Variants in HIBADH observed in about 807,000 individuals in gnomAD.
HIBADH encodes the protein 3-hydroxyisobutyrate dehydrogenase, also known as 3-hydroxyisobutyrate dehydrogenase, mitochondrial.
HIBADH carries 25 observed loss-of-function variants against 36.1 expected under a neutral mutation model. The ratio of observed to expected loss-of-function variants is 0.69; its 90% CI spans 0.50 to 0.97. The LOEUF is 0.97. Ranked by LOEUF, HIBADH falls within the 50% of genes least tolerant of loss-of-function variation. The pLI is 0.00. For synonymous variants in HIBADH, 160 were observed against 149.5 expected (o/e 1.07, Z -0.51); for missense variants, 421 against 418.0 (o/e 1.01, Z -0.06).
chr7:27,636,749 A>C (rs1785847723), intron 2 of HIBADH, among the ~76,000 whole-genome samples: 1 of 152,254 alleles, frequency 6.6e-6, no homozygotes, highest in Non-Finnish European at 1.5e-5. Flanking sequence ...TAGACAATGA[A>C]AATGAAGCAC....
At chr7:27,628,648 G>A (rs1362484611) in intron 4 of HIBADH, among the ~76,000 whole-genome samples, 1 of 151,960 alleles carries the variant, frequency 6.6e-6, no homozygotes, top group African/African-American at 2.4e-5. Context: ...ATGTTAACAT[G>A]GTAAATTATA....
At chr7:27,647,178 C>T (rs999614029) in intron 2 of HIBADH, among the ~76,000 whole-genome samples, 1 of 152,130 alleles carries the variant, frequency 6.6e-6, no homozygotes, top group Non-Finnish European at 1.5e-5. Context: ...GATATCACAA[C>T]ACCCGATCAC....
chr7:27,531,486 G>C, intron 6 of HIBADH, 138 bp from the exon 7 acceptor site: 1 of 687,144 alleles, frequency 1.5e-6, no homozygotes, highest in Admixed American at 3.4e-5. Flanking sequence ...TGATACGAGA[G>C]TGAAGAATCC....
At chr7:27,565,712 T>C (rs1226164027) in intron 4 of HIBADH, among the ~76,000 whole-genome samples, 1 of 152,202 alleles carries the variant, frequency 6.6e-6, no homozygotes. Flanking sequence ...TATCCTGTGT[T>C]GTCTGATCTC....
At chr7:27,612,860 C>T (rs963527538) in intron 4 of HIBADH, among the ~76,000 whole-genome samples, 2 of 147,066 alleles carry the variant, frequency 1.4e-5, no homozygotes, top group East Asian at 4.0e-4. Flanking sequence ...AAGCAGAAGA[C>T]TGCTTGAACC....
intron 1 of HIBADH, among the ~76,000 whole-genome samples, chr7:27,651,398 T>G (rs1786192884): frequency 6.6e-6 from 1 of 151,904 alleles, no homozygotes; most frequent in African/African-American, 2.4e-5. Context: ...ATAGTTTGTC[T>G]TTCTGGCCTG....
At chr7:27,612,185 A>ATGAGATTAAAGTG (rs1785332261) in intron 4 of HIBADH, among the ~76,000 whole-genome samples, 1 of 152,226 alleles carries the variant, frequency 6.6e-6, no homozygotes, top group South Asian at 2.1e-4. Flanking sequence ...AATACAGAAG[A>ATGAGATTAAAGTG]TGAGATTAAA....
At chr7:27,564,256 C>T (rs1015009606) in intron 4 of HIBADH, among the ~76,000 whole-genome samples, 14 of 152,094 alleles carry the variant, frequency 9.2e-5, no homozygotes, top group African/African-American at 3.1e-4. Context: ...CTTTGGGTGC[C>T]ATATCACAGA....
At chr7:27,585,838 A>G (rs1407489943) in intron 4 of HIBADH, among the ~76,000 whole-genome samples, 1 of 152,150 alleles carries the variant, frequency 6.6e-6, no homozygotes, top group Admixed American at 6.5e-5. Flanking sequence ...TTCTAGGTAC[A>G]TGATTTTTTT....
intron 4 of HIBADH, among the ~76,000 whole-genome samples, chr7:27,569,195 GTTC>G (rs1784591842): frequency 6.6e-6 from 1 of 151,868 alleles, no homozygotes; most frequent in Admixed American, 6.6e-5. Flanking sequence ...TTTCCATTTG[GTTC>G]TTTTTTATAG....
chr7:27,661,684 A>C (rs1786422615), intron 1 of HIBADH, among the ~76,000 whole-genome samples: 1 of 151,738 alleles, frequency 6.6e-6, no homozygotes, highest in South Asian at 2.1e-4. Context: ...AATTAATGCC[A>C]AGGTTTTTTT....
chr7:27,608,978 TC>T (rs1213070384), intron 4 of HIBADH, among the ~76,000 whole-genome samples: 1 of 152,214 alleles, frequency 6.6e-6, no homozygotes, highest in Non-Finnish European at 1.5e-5. Context: ...ACAGCTGGTG[TC>T]ATGGTTACTT....
chr7:27,601,596 T>C (rs943280781), intron 4 of HIBADH, among the ~76,000 whole-genome samples: 6 of 152,222 alleles, frequency 3.9e-5, no homozygotes, highest in Middle Eastern at 3.4e-3. Flanking sequence ...CTGGGTAATG[T>C]TGGAAAATAA....
At chr7:27,640,061 T>G (rs1159213312) in intron 2 of HIBADH, among the ~76,000 whole-genome samples, 2 of 152,194 alleles carry the variant, frequency 1.3e-5, no homozygotes, top group African/African-American at 4.8e-5. Context: ...ACCGCCACCC[T>G]CCGTGCCCAG....
At chr7:27,615,221 G>GACA (rs1785405659) in intron 4 of HIBADH, among the ~76,000 whole-genome samples, 1 of 152,108 alleles carries the variant, frequency 6.6e-6, no homozygotes, top group Non-Finnish European at 1.5e-5. Flanking sequence ...CTATGAAGAA[G>GACA]ACAGGAGGCC....
At chr7:27,559,420 G>A (rs776423702) in intron 4 of HIBADH, among the ~76,000 whole-genome samples, 2 of 152,000 alleles carry the variant, frequency 1.3e-5, no homozygotes, top group Non-Finnish European at 2.9e-5. Flanking sequence ...CCAGGAGTTC[G>A]AGACCAGCTT....
intron 2 of HIBADH, among the ~76,000 whole-genome samples, chr7:27,648,208 C>A (rs756534108): frequency 6.6e-6 from 1 of 152,186 alleles, no homozygotes; most frequent in Non-Finnish European, 1.5e-5. Context: ...CTCTACTATA[C>A]GACTGATCAA....
Position 27,627,509 on chromosome 7 carries a change from A to C in HIBADH, c.484+1862T>G, listed in dbSNP as rs1785670034. Among the ~76,000 whole-genome samples the C allele has an allele frequency of 2.0e-5, 3 of 152,210 alleles. No homozygotes were observed. In the South Asian group the frequency reaches 6.2e-4, roughly 32 times the overall value. On this transcript the variant is annotated intron_variant, in intron 4 of 7. Coordinates refer to ENST00000265395, the MANE Select transcript of HIBADH (RefSeq NM_152740.4). ...CTACTGCAACTCCCATTGTGTCTGC[A>C]TACTGGTCTGTTATCATGCAACAAG... is the stretch of plus-strand genomic sequence containing the variant.
At chr7:27,574,889 CT>C (rs1187760391) in intron 4 of HIBADH, among the ~76,000 whole-genome samples, 1 of 152,144 alleles carries the variant, frequency 6.6e-6, no homozygotes, top group African/African-American at 2.4e-5. Context: ...ACATTTTCCT[CT>C]CATTTAGGAG....
Sources: allele counts gnomAD v4.1 joint callset (sites outside exome capture counted in the v4.1 genomes callset), GRCh38; gene constraint gnomAD v4.1.1; transcripts MANE v1.5; gene names NCBI Gene and HGNC (gene_info 2026-07-23, HGNC 2026-07-21).